RYR2: variants seen among roughly 807,000 people sequenced by gnomAD.
The protein encoded by RYR2 is ryanodine receptor 2.
Under a neutral mutation model 601.1 loss-of-function variants are expected in RYR2, and 227 were observed. The ratio of observed to expected loss-of-function variants is 0.38; its 90% CI spans 0.34 to 0.42. The LOEUF (loss-of-function observed/expected upper bound fraction) is 0.42. Among genes scored for constraint, RYR2 ranks in the 10% least tolerant of loss-of-function variants. RYR2 has a pLI of 1.00. For synonymous variants in RYR2, 2,223 were observed against 2,175.1 expected (o/e 1.02, Z -0.61); for missense variants, 4,646 against 6,156.5 (o/e 0.75, Z 8.21).
intron 29 of RYR2, among the ~76,000 whole-genome samples, chr1:237,570,718 G>C (rs1672597715): frequency 6.6e-6 from 1 of 152,126 alleles, no homozygotes; most frequent in Admixed American, 6.6e-5. Flanking sequence ...CAGGTGGTTA[G>C]GGATGCCCCT....
intron 1 of RYR2, among the ~76,000 whole-genome samples, chr1:237,045,775 CT>C (rs35311700): frequency 0.48 from 61,405 of 128,154 alleles, 14,504 homozygotes; most frequent in Non-Finnish European, 0.56. Context: ...TTATGGTCCT[CT>C]TTTTTTTTTT....
At chr1:237,475,079 A>G (rs1558881914) in intron 17 of RYR2, among the ~76,000 whole-genome samples, 1 of 152,164 alleles carries the variant, frequency 6.6e-6, no homozygotes, top group Non-Finnish European at 1.5e-5. Context: ...TGCTTTACAA[A>G]TACTAATAAT....
At chr1:237,093,158 A>G (rs558628999) in intron 1 of RYR2, among the ~76,000 whole-genome samples, 2 of 152,320 alleles carry the variant, frequency 1.3e-5, no homozygotes, top group South Asian at 4.1e-4. Flanking sequence ...AAATTTAAAT[A>G]CCCACAGGAG....
intron 101 of RYR2, among the ~76,000 whole-genome samples, chr1:237,826,626 C>T (rs1663121755): frequency 1.4e-5 from 2 of 146,474 alleles, no homozygotes; most frequent in Admixed American, 1.4e-4. Context: ...ACGTGTACCC[C>T]AGAACTTAAA....
chr1:237,430,531 A>C (rs1706701970), intron 12 of RYR2, among the ~76,000 whole-genome samples: 1 of 152,190 alleles, frequency 6.6e-6, no homozygotes, highest in South Asian at 2.1e-4. Flanking sequence ...TATTTTAGAA[A>C]GATCAAAATG....
rs1686152085 is a variant in RYR2 at position 237,684,144 on chromosome 1, CA to C, written c.9018-3310del. On this transcript the variant is annotated intron_variant, in intron 62 of 104. Transcript: ENST00000366574. ...AGAGATAGGGTTTCACCATGTTGGC[CA>C]GGCTGGTCTTGAACTCCTGACCTCA... 2.0e-5 allele frequency among the ~76,000 whole-genome samples: 3 copies of C among 151,778 alleles called. No individual in the cohort carries two copies. The South Asian group carries it at 6.2e-4, about 32-fold the overall frequency.
intron 1 of RYR2, among the ~76,000 whole-genome samples, chr1:237,067,124 CA>C (rs568428989): frequency 6.6e-6 from 1 of 151,916 alleles, no homozygotes; most frequent in Non-Finnish European, 1.5e-5. Flanking sequence ...AACAGTCTTT[CA>C]AAAAAACAGA....
intron 25 of RYR2, 129 bp downstream of exon 25, chr1:237,530,639 G>C (rs771721057): frequency 8.5e-5 from 62 of 732,850 alleles, no homozygotes; most frequent in Non-Finnish European, 1.3e-4. Context: ...GGCTGGGTGC[G>C]GTGGCTCACA....
chr1:237,470,458 T>G lies in RYR2; in HGVS notation c.1708+1271T>G, dbSNP rs144096029. Among the ~76,000 whole-genome samples the G allele has an allele frequency of 5.9e-3, 903 of 152,096 alleles. 22 individuals are homozygous for G. Among genetic ancestry groups the G allele is most frequent in the South Asian group, 0.023 (112 of 4,796 alleles). On this transcript the variant is annotated intron_variant, in intron 17 of 104. Coordinates refer to ENST00000366574, the MANE Select transcript of RYR2 (RefSeq NM_001035.3). ...AGTGGAGGACAAAAATGTGTAGAGT[T>G]TAGATAGTGGAGGACAAAAATTTGA...
intron 1 of RYR2, among the ~76,000 whole-genome samples, chr1:237,121,667 G>C (rs1322727308): frequency 2.0e-5 from 3 of 152,178 alleles, no homozygotes; most frequent in African/African-American, 7.2e-5. Context: ...CTGTAGATTG[G>C]TGTTTCTGAT....
chr1:237,253,352 T>A (rs73123353), intron 1 of RYR2, among the ~76,000 whole-genome samples: 2,763 of 152,316 alleles, frequency 0.018, 88 homozygotes, highest in African/African-American at 0.061. Context: ...CAGAACCTGG[T>A]TCTGATTTGG....
chr1:237,801,558 T>C (rs866556938), intron 97 of RYR2, among the ~76,000 whole-genome samples: 1 of 119,866 alleles, frequency 8.3e-6, no homozygotes. Flanking sequence ...AAAAAAAAAA[T>C]GTTAATACTG....
At chr1:237,634,456 T>TG (rs1680661304) in intron 43 of RYR2, among the ~76,000 whole-genome samples, 3 of 152,070 alleles carry the variant, frequency 2.0e-5, no homozygotes, top group East Asian at 1.9e-4. Flanking sequence ...TTACCAGGTG[T>TG]AGGGGGGAGT....
intron 3 of RYR2, among the ~76,000 whole-genome samples, chr1:237,355,408 A>G (rs1013046560): frequency 6.6e-6 from 1 of 152,186 alleles, no homozygotes. Flanking sequence ...TAAGAGACTA[A>G]CATTCACTTA....
At chr1:237,652,956 T>C (rs938001841) in intron 51 of RYR2, among the ~76,000 whole-genome samples, 1 of 152,212 alleles carries the variant, frequency 6.6e-6, no homozygotes, top group Non-Finnish European at 1.5e-5. Flanking sequence ...TCCACTTTAA[T>C]AACAGTAATT....
intron 1 of RYR2, among the ~76,000 whole-genome samples, chr1:237,073,057 A>AACTAGAC (rs1390363567): frequency 6.6e-6 from 1 of 152,146 alleles, no homozygotes; most frequent in East Asian, 1.9e-4. Context: ...CCGCACGCTG[A>AACTAGAC]ACTAGACACT....
At position 237,464,334 on chromosome 1, in the gene RYR2, TCTTCACATCCTAA is replaced by T. The variant is rs1015408329; in HGVS notation, c.1613-4740_1613-4728del. ...AGTGAAAGTGTAGCCACAGAACATC[TCTTCACATCCTAA>T]CTTCACATCCTAACTTCCATTCTCT... On this transcript the variant is annotated intron_variant, in intron 16 of 104. Coordinates refer to ENST00000366574, the MANE Select transcript of RYR2 (RefSeq NM_001035.3). Among the ~76,000 whole-genome samples, 11 of 152,292 alleles carry T rather than the reference TCTTCACATCCTAA, an allele frequency of 7.2e-5. No individual in the cohort carries two copies. The South Asian group carries it at 1.2e-3, about 17-fold the overall frequency.
intron 29 of RYR2, among the ~76,000 whole-genome samples, chr1:237,575,813 T>A (rs1025471460): frequency 6.6e-6 from 1 of 152,156 alleles, no homozygotes; most frequent in Non-Finnish European, 1.5e-5. Flanking sequence ...AAAAAGAAAT[T>A]GGAGATGATA....
At chr1:237,791,546 T>C (rs771996197) in intron 93 of RYR2, 31 bp downstream of exon 93, 4 of 1,052,836 alleles carry the variant, frequency 3.8e-6, no homozygotes, top group Non-Finnish European at 1.4e-6. Context: ...TAATTACTGG[T>C]ATAAAACTCC....
Sources: allele counts gnomAD v4.1 joint callset (sites outside exome capture counted in the v4.1 genomes callset), GRCh38; gene constraint gnomAD v4.1.1; transcripts MANE v1.5; gene names NCBI Gene and HGNC (gene_info 2026-07-23, HGNC 2026-07-21).